The following NARS2 variants were observed in gnomAD, a reference collection of about 807,000 sequenced individuals.
NARS2 encodes the protein asparaginyl-tRNA synthetase.
A neutral mutation model predicts 62.9 loss-of-function variants in NARS2; 60 were observed. That is an observed-to-expected ratio of 0.95 (90% CI 0.77 to 1.18). The LOEUF (loss-of-function observed/expected upper bound fraction) is 1.18. NARS2 is among the 50% of genes most tolerant of loss of function. NARS2 has a pLI of 0.00. For missense variants in NARS2, 619 were observed against 576.4 expected, an observed-to-expected ratio of 1.07 and a Z score of -0.76; for synonymous variants, 196 against 200.0, an observed-to-expected ratio of 0.98 and a Z score of 0.17.
intron 1 of NARS2, among the ~76,000 whole-genome samples, chr11:78,572,827 T>C (rs1351154976): frequency 6.6e-6 from 1 of 152,198 alleles, no homozygotes; most frequent in Non-Finnish European, 1.5e-5. Context: ...ATAATCAATA[T>C]AAAAACATAT....
intron 5 of NARS2, among the ~76,000 whole-genome samples, chr11:78,550,941 A>G (rs1385144908): frequency 6.6e-6 from 1 of 152,208 alleles, no homozygotes; most frequent in East Asian, 1.9e-4. Flanking sequence ...ACATACTACA[A>G]TACTTTATAA....
intron 7 of NARS2, among the ~76,000 whole-genome samples, 177 bp downstream of exon 7, chr11:78,492,882 ATCTG>A (rs1230254342): frequency 6.6e-6 from 1 of 152,194 alleles, no homozygotes; most frequent in African/African-American, 2.4e-5. Flanking sequence ...ATAAACTTAA[ATCTG>A]TCTGACTCTT....
chr11:78,465,216 C>A (rs1360203038), intron 11 of NARS2, among the ~76,000 whole-genome samples: 13 of 152,316 alleles, frequency 8.5e-5, no homozygotes, highest in African/African-American at 2.9e-4. Flanking sequence ...CCGCCGAGCC[C>A]ACACCCACCT....
At chr11:78,468,775 C>CT (rs1420666658) in intron 10 of NARS2, among the ~76,000 whole-genome samples, 1 of 143,460 alleles carries the variant, frequency 7.0e-6, no homozygotes, top group Non-Finnish European at 1.5e-5. Flanking sequence ...CAGTAATATT[C>CT]TTTTTTTAAA....
chr11:78,513,549 G>A (rs1321314620), intron 6 of NARS2, among the ~76,000 whole-genome samples: 2 of 151,400 alleles, frequency 1.3e-5, no homozygotes, highest in Admixed American at 1.3e-4. Flanking sequence ...AAGCCGAGGC[G>A]GGCGGATCAC....
chr11:78,482,081 T>A (rs1456064096), intron 7 of NARS2, among the ~76,000 whole-genome samples: 1 of 152,170 alleles, frequency 6.6e-6, no homozygotes, highest in African/African-American at 2.4e-5. Context: ...CCTTTGTGTG[T>A]AATTATGTAA....
intron 1 of NARS2, among the ~76,000 whole-genome samples, chr11:78,571,886 G>C (rs1260955906): frequency 6.6e-6 from 1 of 152,098 alleles, no homozygotes; most frequent in Non-Finnish European, 1.5e-5. Context: ...CTCCTCTTTG[G>C]TGATTCTAAA....
chr11:78,475,814 T>C (rs1032009041), intron 9 of NARS2, among the ~76,000 whole-genome samples: 3 of 152,010 alleles, frequency 2.0e-5, no homozygotes, highest in Non-Finnish European at 4.4e-5. Flanking sequence ...TTGGCCAGGG[T>C]GGTCCTGAAC....
At chr11:78,473,274 C>T (rs144872274) in intron 9 of NARS2, among the ~76,000 whole-genome samples, 1 of 152,352 alleles carries the variant, frequency 6.6e-6, no homozygotes, top group East Asian at 1.9e-4. Flanking sequence ...CAAGTTATTG[C>T]TGCCCAGTAT....
rs565431671 is a variant in NARS2, at chr11:78,470,495, A to T, written c.960-1182T>A. Among the ~76,000 whole-genome samples, 11 of 152,192 alleles carry T rather than the reference A, an allele frequency of 7.2e-5. No homozygotes were observed. The South Asian group carries it at 2.3e-3, about 32-fold the overall frequency. On this transcript the variant is annotated intron_variant, in intron 9 of 13. Transcript: ENST00000281038. ...TTCCTTTTTTACAGATGTCATACAT[A>T]ACATACACACTCTTTCACACCTAAT...
intron 6 of NARS2, among the ~76,000 whole-genome samples, chr11:78,519,936 G>A (rs913478348): frequency 9.2e-5 from 14 of 151,996 alleles, no homozygotes; most frequent in African/African-American, 2.7e-4. Flanking sequence ...CTTGTGATCC[G>A]CCTGTCTTGG....
In NARS2 at chr11:78,486,565, T is replaced by C. The variant is rs564674917; in HGVS notation, c.822+6498A>G. On this transcript the variant is annotated intron_variant, in intron 7 of 13. Coordinates refer to ENST00000281038, the MANE Select transcript of NARS2 (RefSeq NM_024678.6). ...TAACTGACATGGAGACCAATGCCAA[T>C]AGAAAGTAAAATAAAACTTACAGTC... is the stretch of plus-strand genomic sequence containing the variant. Among the ~76,000 whole-genome samples, 8 of 152,268 alleles carry C rather than the reference T, an allele frequency of 5.3e-5. No homozygotes were observed. In the East Asian group the frequency reaches 9.6e-4, roughly 18 times the overall value.
intron 3 of NARS2, 85 bp from the exon 4 acceptor site, chr11:78,566,357 G>T: frequency 9.1e-7 from 1 of 1,094,312 alleles, no homozygotes. Flanking sequence ...CTTAAATAGC[G>T]CTTTGGAACC....
intron 6 of NARS2, among the ~76,000 whole-genome samples, chr11:78,515,574 A>G (rs952633383): frequency 2.6e-5 from 4 of 152,056 alleles, no homozygotes; most frequent in African/African-American, 9.7e-5. Flanking sequence ...GCTGGAGTGC[A>G]GTGGTGTGTT....
At chr11:78,530,931 A>AT (rs1466331487) in intron 5 of NARS2, among the ~76,000 whole-genome samples, 2 of 152,152 alleles carry the variant, frequency 1.3e-5, no homozygotes, top group African/African-American at 4.8e-5. Flanking sequence ...CTTACTATAA[A>AT]TTACTTTTCT....
chr11:78,571,587 T>C lies in NARS2; in HGVS notation c.142-143A>G, dbSNP rs4945300. On this transcript the variant is annotated intron_variant, in intron 1 of 13. Transcript: ENST00000281038. The stretch of plus-strand genomic sequence containing the variant: ...ACTTCTTTTAGTTCACCAATATGCA[T>C]ACTTAATTTTATATGTTCCAATCAC... The C allele has an allele frequency of 0.71, 422,059 of 591,488 alleles. 155,253 individuals are homozygous for C. Among genetic ancestry groups the C allele is most frequent in the Non-Finnish European group, 0.79 (257,791 of 324,810 alleles). The allele number at this position is 591,488 out of a possible 1,614,324, so 36.6% of individuals were successfully genotyped here.
At chr11:78,563,873 T>TAC (rs71046984) in intron 4 of NARS2, among the ~76,000 whole-genome samples, 5,032 of 96,290 alleles carry the variant, frequency 0.052, 797 homozygotes, top group African/African-American at 0.21. Flanking sequence ...TATATATGTA[T>TAC]ACACACACAC....
chr11:78,501,603 C>T (rs1860285215), intron 6 of NARS2, among the ~76,000 whole-genome samples: 1 of 152,108 alleles, frequency 6.6e-6, no homozygotes, highest in African/African-American at 2.4e-5. Flanking sequence ...GATGTGAATC[C>T]TGATAAAGAA....
intron 6 of NARS2, among the ~76,000 whole-genome samples, chr11:78,506,878 C>A (rs1212489348): frequency 6.6e-6 from 1 of 152,102 alleles, no homozygotes; most frequent in African/African-American, 2.4e-5. Flanking sequence ...TATGGAATAC[C>A]CGCAACTTCC....
Sources: gnomAD v4.1 joint callset for allele counts (sites outside exome capture counted in the v4.1 genomes callset) on GRCh38, gnomAD v4.1.1 for gene constraint, MANE v1.5 for transcripts, NCBI Gene and HGNC (gene_info 2026-07-23, HGNC 2026-07-21) for gene names.